MACROD1: variants seen among roughly 807,000 people sequenced by gnomAD.
MACROD1 encodes the protein ADP-ribose glycohydrolase MACROD1.
Under a neutral mutation model 41.4 loss-of-function variants are expected in MACROD1, and 31 were observed. That is an observed-to-expected ratio of 0.75 (90% CI 0.56 to 1.01). The LOEUF is 1.01. Ranked by LOEUF, MACROD1 falls within the 50% of genes least tolerant of loss-of-function variation. The probability of loss-of-function intolerance (pLI) is 0.00; values close to 1 mark genes in which losing one functional copy is unlikely to be tolerated. For missense variants in MACROD1, 473 were observed against 460.0 expected (o/e 1.03, Z -0.26); for synonymous variants, 252 against 203.4 (o/e 1.24, Z -2.03).
intron 3 of MACROD1, among the ~76,000 whole-genome samples, chr11:64,023,167 G>A (rs979525497): frequency 6.6e-6 from 1 of 152,054 alleles, no homozygotes; most frequent in Non-Finnish European, 1.5e-5. Flanking sequence ...GCCTCCACAT[G>A]GATCTTTGAC....
chr11:63,999,443 C>T, intron 7 of MACROD1, 39 bp from the exon 8 acceptor site: 2 of 1,557,578 alleles, frequency 1.3e-6, no homozygotes, highest in Non-Finnish European at 8.7e-7. Flanking sequence ...TAGGCTCTGG[C>T]CCCGCCCACT....
At position 64,090,971 on chromosome 11, in the gene MACROD1, C is replaced by T. The variant is rs1312241686; in HGVS notation, c.517+60268G>A. Among the ~76,000 whole-genome samples the T allele has an allele frequency of 1.3e-5, 2 of 151,644 alleles. No homozygotes were observed. The highest frequency in any genetic ancestry group is 4.9e-5 in the African/African-American group (2 of 41,222). On this transcript the variant is annotated intron_variant, in intron 3 of 10. Coordinates refer to ENST00000255681, the MANE Select transcript of MACROD1 (RefSeq NM_014067.4). The surrounding 1 kb of genome is among the most constrained non-coding windows in gnomAD (Gnocchi z 4.7). ...CAGAATCTGCAGCACTGACCTCTGACCTCTGGGTCAGTTGGTTACTGACTG... is the reference window on the plus strand; with the variant it reads ...CAGAATCTGCAGCACTGACCTCTGATCTCTGGGTCAGTTGGTTACTGACTG...
intron 3 of MACROD1, among the ~76,000 whole-genome samples, chr11:64,030,527 C>T (rs1943280594): frequency 6.6e-6 from 1 of 152,180 alleles, no homozygotes; most frequent in South Asian, 2.1e-4. Flanking sequence ...AAACACACAT[C>T]ACTGGACACA....
chr11:64,148,242 G>C (rs562723903), intron 3 of MACROD1, among the ~76,000 whole-genome samples: 2 of 152,286 alleles, frequency 1.3e-5, no homozygotes, highest in East Asian at 1.9e-4. Context: ...GGAGGAGGGT[G>C]GGGGGTTGGG....
At chr11:64,071,291 G>A (rs1565219158) in intron 3 of MACROD1, among the ~76,000 whole-genome samples, 1 of 152,060 alleles carries the variant, frequency 6.6e-6, no homozygotes, top group African/African-American at 2.4e-5. Context: ...GGCCTGTGTG[G>A]GGTACTCAGG....
chr11:64,062,066 C>G (rs575791776), intron 3 of MACROD1, among the ~76,000 whole-genome samples: 4 of 150,980 alleles, frequency 2.6e-5, no homozygotes, highest in Admixed American at 6.6e-5. Flanking sequence ...GCCTGGCATG[C>G]CTTTGCCCCT....
intron 1 of MACROD1, among the ~76,000 whole-genome samples, chr11:64,157,781 G>C (rs988195895): frequency 1.3e-5 from 2 of 152,190 alleles, no homozygotes; most frequent in African/African-American, 4.8e-5. Context: ...GGGCACCAAG[G>C]CAGGGCTCCT....
intron 3 of MACROD1, among the ~76,000 whole-genome samples, chr11:64,141,799 C>A (rs1432011232): frequency 6.6e-6 from 1 of 152,194 alleles, no homozygotes; most frequent in Non-Finnish European, 1.5e-5. Flanking sequence ...AGGGTGGCCA[C>A]CCCATGTGGG....
intron 3 of MACROD1, among the ~76,000 whole-genome samples, chr11:64,104,556 G>A (rs780676483): frequency 3.9e-5 from 6 of 152,156 alleles, no homozygotes; most frequent in Non-Finnish European, 5.9e-5. Context: ...GCCTTGGCGG[G>A]GTGGTGGGCA....
At chr11:64,101,654 G>A (rs1263884635) in intron 3 of MACROD1, among the ~76,000 whole-genome samples, 4 of 152,172 alleles carry the variant, frequency 2.6e-5, no homozygotes, top group East Asian at 1.9e-4. Flanking sequence ...GAAATCACGC[G>A]GGTGGTAATA....
At chr11:64,102,454 A>G (rs1453358033) in intron 3 of MACROD1, among the ~76,000 whole-genome samples, 1 of 152,134 alleles carries the variant, frequency 6.6e-6, no homozygotes, top group Non-Finnish European at 1.5e-5. Context: ...CCTGCTTCCC[A>G]TGGTGGGGAA....
chr11:64,149,067 A>G (rs971408365), intron 3 of MACROD1: 3 of 975,014 alleles, frequency 3.1e-6, no homozygotes, highest in Non-Finnish European at 3.7e-6. Flanking sequence ...GAACACACCA[A>G]GAGGTGTATG....
Position 64,082,004 on chromosome 11 carries a change from T to G in MACROD1, c.518-66723A>C, listed in dbSNP as rs1342142502. 1 of 152,102 alleles carries G rather than the reference T, an allele frequency of 6.6e-6. No individual in the cohort carries two copies. The highest frequency in any genetic ancestry group is 2.4e-5 in the African/African-American group (1 of 41,372). The allele number at this position is 152,102 out of a possible 1,614,324, so 9.4% of individuals were successfully genotyped here. On this transcript the variant is annotated intron_variant, in intron 3 of 10. Coordinates refer to ENST00000255681, the MANE Select transcript of MACROD1 (RefSeq NM_014067.4). The surrounding 1 kb of genome is among the most constrained non-coding windows in gnomAD (Gnocchi z 4.5). ...ACAGCTGTGTCAATAAAGCAGCCAT[T>G]TACAGAGCGGGCGCCGGATCCCGTG...
Position 63,999,545 on chromosome 11 carries a change from A to C in MACROD1, c.802T>G (p.Ser268Ala). 1 of 1,609,822 alleles carries C rather than the reference A, an allele frequency of 6.2e-7. No individual in the cohort carries two copies. Among genetic ancestry groups the C allele is most frequent in the Non-Finnish European group, 8.5e-7 (1 of 1,178,654 alleles). Residue 268 changes from serine (S) to alanine (A), a missense_variant, in exon 7 of 11, where the codon TCC (serine) becomes GCC (alanine). Physicochemically the swap from Ser to Ala is moderately conservative, Grantham distance 99. Coordinates refer to ENST00000255681, the MANE Select transcript of MACROD1 (RefSeq NM_014067.4). ...CCAGACTCACCAAACACGCCGGTGG[A>C]GATGCAGGGGAACGCCTGGGCGGGG... is the stretch of plus-strand genomic sequence containing the variant. ...RLRSVAFPCI[S>A]TGVFGYPCEA...
intron 3 of MACROD1, among the ~76,000 whole-genome samples, chr11:64,147,981 C>T (rs973276663): frequency 3.3e-5 from 5 of 152,116 alleles, no homozygotes; most frequent in African/African-American, 1.2e-4. Context: ...TCAAGTGATC[C>T]TCTCGTCTCG....
chr11:64,022,023 A>G (rs1328444294), intron 3 of MACROD1, among the ~76,000 whole-genome samples: 4 of 134,674 alleles, frequency 3.0e-5, no homozygotes, highest in Non-Finnish European at 6.2e-5. Flanking sequence ...TGGTGTGAGC[A>G]GCACAGCCAG....
chr11:64,089,491 C>T (rs950518043), intron 3 of MACROD1, among the ~76,000 whole-genome samples: 4 of 152,220 alleles, frequency 2.6e-5, no homozygotes, highest in African/African-American at 9.6e-5. Context: ...CAGCCCCCTC[C>T]CCTGACTCCC....
At chr11:64,061,209 C>A (rs997230540) in intron 3 of MACROD1, among the ~76,000 whole-genome samples, 1 of 152,242 alleles carries the variant, frequency 6.6e-6, no homozygotes, top group Non-Finnish European at 1.5e-5. Context: ...CCGCTTCTAA[C>A]CCCTGTAATA....
intron 3 of MACROD1, among the ~76,000 whole-genome samples, chr11:64,092,873 C>A (rs1390439240): frequency 1.3e-5 from 2 of 152,262 alleles, no homozygotes; most frequent in African/African-American, 4.8e-5. Context: ...CAATGGGTAA[C>A]CGCTGGAGTG....
Sources: gnomAD v4.1 joint callset for allele counts (sites outside exome capture counted in the v4.1 genomes callset) on GRCh38, gnomAD v4.1.1 for gene constraint, Gnocchi (gnomAD v3.1) non-coding constraint, MANE v1.5 for transcripts, NCBI Gene and HGNC (gene_info 2026-07-23, HGNC 2026-07-21) for gene names.